The following AGMO variants were observed in gnomAD, a reference collection of about 807,000 sequenced individuals.
AGMO encodes alkylglycerol monooxygenase, also known as glyceryl-ether monooxygenase.
In AGMO, 75 loss-of-function variants were observed where a neutral mutation model predicts 60.2. That is an observed-to-expected ratio of 1.25 (90% CI 1.03 to 1.51). The LOEUF (loss-of-function observed/expected upper bound fraction) is 1.51. AGMO is among the 40% of genes most tolerant of loss of function. The pLI, the probability that AGMO is intolerant of heterozygous loss-of-function variation, is 0.00. For missense variants in AGMO, 763 were observed against 525.5 expected (o/e 1.45, Z -4.42); for synonymous variants, 261 against 177.1 (o/e 1.47, Z -3.76).
chr7:15,233,689 A>T (rs551739919), intron 12 of AGMO, among the ~76,000 whole-genome samples: 11 of 152,278 alleles, frequency 7.2e-5, no homozygotes. Context: ...CACATAACAC[A>T]CATTGCTGCA....
intron 12 of AGMO, among the ~76,000 whole-genome samples, chr7:15,307,561 T>C (rs1214742825): frequency 6.6e-6 from 1 of 151,992 alleles, no homozygotes; most frequent in Non-Finnish European, 1.5e-5. Flanking sequence ...AGAAGGACAC[T>C]ATAATTACCT....
chr7:15,465,449 A>T (rs1782257258), intron 3 of AGMO, among the ~76,000 whole-genome samples: 2 of 151,040 alleles, frequency 1.3e-5, no homozygotes, highest in South Asian at 4.2e-4. Context: ...TTGAGACAAG[A>T]TCTTGCTCTT....
intron 5 of AGMO, among the ~76,000 whole-genome samples, chr7:15,404,186 G>A (rs1418717708): frequency 2.6e-5 from 4 of 151,888 alleles, no homozygotes; most frequent in African/African-American, 9.7e-5. Context: ...AAGAGTTAAA[G>A]GCTTAGTTTT....
At chr7:15,391,186 T>C (rs910773727) in intron 6 of AGMO, among the ~76,000 whole-genome samples, 3 of 151,984 alleles carry the variant, frequency 2.0e-5, no homozygotes, top group Admixed American at 6.5e-5. Flanking sequence ...ATGTAAATAA[T>C]TTTTTCAGGA....
intron 10 of AGMO, among the ~76,000 whole-genome samples, chr7:15,372,400 G>A (rs757584621): frequency 1.3e-5 from 2 of 152,182 alleles, no homozygotes; most frequent in Non-Finnish European, 2.9e-5. Context: ...AGGTTGCAGT[G>A]AGGCAAGATC....
At chr7:15,153,310 T>C in the AGMO span, among the ~76,000 whole-genome samples, 1 of 152,180 alleles carries the variant, frequency 6.6e-6, no homozygotes, top group African/African-American at 2.4e-5. Flanking sequence ...GCTCTGATGA[T>C]GATTTCTTCT....
the AGMO span, among the ~76,000 whole-genome samples, chr7:15,189,069 CATTTTT>C: frequency 1.3e-5 from 2 of 152,044 alleles, no homozygotes; most frequent in Non-Finnish European, 2.9e-5. Context: ...GGGAAAATAG[CATTTTT>C]AAAATATTTT....
chr7:15,355,353 A>G (rs1782485356), intron 12 of AGMO, among the ~76,000 whole-genome samples: 1 of 151,928 alleles, frequency 6.6e-6, no homozygotes, highest in South Asian at 2.1e-4. Flanking sequence ...ATACAAAAAA[A>G]TTAGCCAAGC....
chr7:15,519,453 G>A (rs1164065583), intron 3 of AGMO, among the ~76,000 whole-genome samples: 5 of 152,152 alleles, frequency 3.3e-5, no homozygotes, highest in Admixed American at 3.3e-4. Flanking sequence ...ACTAACAGCA[G>A]ATCTCTCTGC....
intron 5 of AGMO, among the ~76,000 whole-genome samples, chr7:15,406,621 G>GTGTGTATATATATGAATATACATATATA (rs1784703068): frequency 9.4e-5 from 5 of 53,228 alleles, no homozygotes; most frequent in Admixed American, 3.8e-4. Context: ...ATGTACACAT[G>GTGTGTATATATATGAATATACATATATA]TGTGTATATA....
At chr7:15,250,105 T>A (rs1327725410) in intron 12 of AGMO, among the ~76,000 whole-genome samples, 1 of 152,204 alleles carries the variant, frequency 6.6e-6, no homozygotes, top group Non-Finnish European at 1.5e-5. Flanking sequence ...ATAATTGTGC[T>A]GTTATCACAT....
At chr7:15,435,197 G>A (rs1781365924) in intron 3 of AGMO, among the ~76,000 whole-genome samples, 1 of 152,014 alleles carries the variant, frequency 6.6e-6, no homozygotes, top group Non-Finnish European at 1.5e-5. Context: ...GTTTTCTGTG[G>A]ACATGAGTTT....
At chr7:15,420,748 C>A (rs12699712) in intron 4 of AGMO, among the ~76,000 whole-genome samples, 57,564 of 151,962 alleles carry the variant, frequency 0.38, 11,081 homozygotes, top group Middle Eastern at 0.46. Flanking sequence ...GAAATTTCTC[C>A]ATCCTCAAAC....
chr7:15,258,717 C>T (rs945519808), intron 12 of AGMO, among the ~76,000 whole-genome samples: 1 of 152,164 alleles, frequency 6.6e-6, no homozygotes, highest in Admixed American at 6.5e-5. Flanking sequence ...GTATCCAGGA[C>T]TGCAATATCT....
intron 12 of AGMO, among the ~76,000 whole-genome samples, chr7:15,298,908 G>A (rs1057273985): frequency 5.9e-5 from 9 of 151,640 alleles, no homozygotes; most frequent in African/African-American, 9.7e-5. Flanking sequence ...TCTTTGTCTC[G>A]CTCACAGTCA....
At position 15,560,274 on chromosome 7, in the gene AGMO, G is replaced by A. The variant is rs1210299250; in HGVS notation, c.127-3C>T. The stretch of plus-strand genomic sequence containing the variant: ...AAAGAAATGAAAAATGGAGTTGCCT[G>A]GAAAGGAAGTTGCAGAAAAGAGATG... On this transcript the variant is annotated splice_region_variant and splice_polypyrimidine_tract_variant and intron_variant, in intron 1 of 12. Coordinates refer to ENST00000342526, the MANE Select transcript of AGMO (RefSeq NM_001004320.2). The A allele has an allele frequency of 2.5e-6, 4 of 1,610,472 alleles. No individual in the cohort carries two copies. Among genetic ancestry groups the A allele is most frequent in the East Asian group, 2.2e-5 (1 of 44,744 alleles).
intron 2 of AGMO, among the ~76,000 whole-genome samples, chr7:15,551,092 GA>G (rs1239321474): frequency 6.6e-6 from 1 of 151,922 alleles, no homozygotes. Context: ...ATAGATGCAG[GA>G]AAAGCCTTTG....
In AGMO at chr7:15,228,894, T is replaced by C. The variant is rs373574093; in HGVS notation, c.1264-27535A>G. On this transcript the variant is annotated intron_variant, in intron 12 of 12. Transcript: ENST00000342526. ...AGCTCTCCAAATGATATTTACGCAG[T>C]GGTCCAATCAAAATTGCATAAATTA... 2.4e-4 allele frequency among the ~76,000 whole-genome samples: 36 copies of C among 152,100 alleles called. 1 individual carries two copies. The highest frequency in any genetic ancestry group is 8.0e-4 in the African/African-American group (33 of 41,436).
At chr7:15,387,679 T>A (rs1177465827) in intron 8 of AGMO, 139 bp from the exon 9 acceptor site, 1 of 699,502 alleles carries the variant, frequency 1.4e-6, no homozygotes, top group Non-Finnish European at 2.3e-6. Context: ...AACAGAAATG[T>A]GTAATTGCAT....
Sources: gnomAD v4.1 joint callset for allele counts (sites outside exome capture counted in the v4.1 genomes callset) on GRCh38, gnomAD v4.1.1 for gene constraint, MANE v1.5 for transcripts, NCBI Gene and HGNC (gene_info 2026-07-23, HGNC 2026-07-21) for gene names.